The following FGD5 variants were observed in gnomAD, a reference collection of about 807,000 sequenced individuals.
FGD5 encodes the protein FYVE, RhoGEF and PH domain-containing protein 5.
A neutral mutation model predicts 133.4 loss-of-function variants in FGD5; 28 were observed. That is an observed-to-expected ratio of 0.21 (90% CI 0.16 to 0.29). The LOEUF (loss-of-function observed/expected upper bound fraction) is 0.29, where lower values mean the gene tolerates loss of function less well. Ranked by LOEUF, FGD5 falls within the 10% of genes least tolerant of loss-of-function variation. The pLI is 1.00. For missense variants in FGD5, 1,858 were observed against 1,895.2 expected (o/e 0.98, Z 0.36); for synonymous variants, 810 against 776.5 (o/e 1.04, Z -0.72).
intron 10 of FGD5, among the ~76,000 whole-genome samples, chr3:14,910,650 T>G (rs1393929501): frequency 6.6e-6 from 1 of 152,212 alleles, no homozygotes; most frequent in East Asian, 1.9e-4. Context: ...TGCTCTAGCA[T>G]ATACAGCACC....
upstream of FGD5, among the ~76,000 whole-genome samples, chr3:14,815,809 AG>A (rs1360999016): frequency 6.6e-6 from 1 of 152,198 alleles, no homozygotes; most frequent in African/African-American, 2.4e-5. Context: ...GCAGAGGGTC[AG>A]GTGACAACAC....
rs761547148 is a variant in FGD5 at position 14,821,233 on chromosome 3, C to T, written c.2162C>T (p.Ser721Phe). The T allele has an allele frequency of 4.3e-6, 7 of 1,613,930 alleles. No homozygotes were observed. Residue 721 changes from serine to phenylalanine, a missense_variant, in exon 1 of 20, where the codon TCC becomes TTC. Transcript: ENST00000285046. ...CTCCGGGCTTCTGAATCCCCCTCCTCCCTCATCTTTTATAGAGATGGCAAG... is the reference window on the plus strand; with the variant it reads ...CTCCGGGCTTCTGAATCCCCCTCCTTCCTCATCTTTTATAGAGATGGCAAG... ...GKLRASESPS[S>F]LIFYRDGKRK... is the part of the protein sequence containing the mutation.
intron 1 of FGD5, among the ~76,000 whole-genome samples, chr3:14,811,069 C>T (rs1355522053): frequency 6.6e-6 from 1 of 151,980 alleles, no homozygotes; most frequent in East Asian, 1.9e-4. Flanking sequence ...CCGTCCGAAG[C>T]GCCCTGCCTC....
rs1559477416 is a variant in FGD5, at chr3:14,844,220, ATATATAT to A, written c.2526-19907_2526-19901del. Among the ~76,000 whole-genome samples, 119 of 16,324 alleles carry A rather than the reference ATATATAT, an allele frequency of 7.3e-3. 7 individuals carry two copies. The highest frequency in any genetic ancestry group is 0.01 in the Non-Finnish European group (85 of 8,306). The allele number at this position is 16,324 out of a possible 152,430, so 10.7% of individuals were successfully genotyped here. A position where few individuals can be genotyped will look rare whatever the true frequency, so the allele number is the denominator to read the frequency against. On this transcript the variant is annotated intron_variant, in intron 1 of 19. Coordinates refer to ENST00000285046, the MANE Select transcript of FGD5 (RefSeq NM_152536.4). ...AATAGGCATTAAAAAAAAAAAAAAT[ATATATAT>A]ATATATATATATATATATATATATA...
intron 4 of FGD5, among the ~76,000 whole-genome samples, chr3:14,891,599 C>G: frequency 6.6e-6 from 1 of 152,214 alleles, no homozygotes; most frequent in Non-Finnish European, 1.5e-5. Context: ...GGGCAGGAAC[C>G]AGCTCATCCT....
Position 14,932,624 on chromosome 3 carries a change from T to C in FGD5, c.4245T>C (p.Ala1415=), listed in dbSNP as rs1292259141. Reference sequence around the variant, plus strand: ...TGCCTCTGCTAGGCTTCACCATTGCTCCAGAAAAGGAAGAGGGCAGCAGTG... The same window carrying C: ...TGCCTCTGCTAGGCTTCACCATTGCCCCAGAAAAGGAAGAGGGCAGCAGTG... ...ESMPLLGFTI[A]PEKEEGSSEV... The change falls in exon 19 of 20, where the codon GCT becomes GCC. Residue 1415 remains alanine (A), a synonymous_variant. Transcript: ENST00000285046. The C allele has an allele frequency of 2.5e-6, 4 of 1,614,010 alleles. No homozygotes were observed. The South Asian group carries it at 4.4e-5, about 18-fold the overall frequency.
At chr3:14,911,534 C>G (rs896876152) in intron 11 of FGD5, among the ~76,000 whole-genome samples, 1 of 152,072 alleles carries the variant, frequency 6.6e-6, no homozygotes, top group African/African-American at 2.4e-5. Context: ...TTGTTCCTGT[C>G]CGCCATGGCT....
chr3:14,861,954 G>A (rs981154569), intron 1 of FGD5, among the ~76,000 whole-genome samples: 3 of 152,194 alleles, frequency 2.0e-5, no homozygotes, highest in Non-Finnish European at 4.4e-5. Flanking sequence ...CAGCCAGGGT[G>A]AAGTCAGAGA....
At chr3:14,810,877 G>A (rs1287783333) in intron 1 of FGD5, 3 of 985,058 alleles carry the variant, frequency 3.0e-6, no homozygotes, top group African/African-American at 3.5e-5. Context: ...TAGGAGGCCC[G>A]GCGACCTCCG....
At chr3:14,876,121 A>G (rs553856756) in intron 2 of FGD5, among the ~76,000 whole-genome samples, 16 of 152,308 alleles carry the variant, frequency 1.1e-4, no homozygotes, top group African/African-American at 1.4e-4. Context: ...CAGGTAGGAC[A>G]TGGTGGGGAA....
chr3:14,886,950 C>CAT (rs1429292438), intron 4 of FGD5, among the ~76,000 whole-genome samples: 1 of 152,202 alleles, frequency 6.6e-6, no homozygotes, highest in Non-Finnish European at 1.5e-5. Flanking sequence ...TATGGCCCAG[C>CAT]ATACGCCCTA....
Position 14,819,352 on chromosome 3 carries a change from C to T in FGD5, c.281C>T (p.Ser94Phe). ...VGNKALVSPESSAEEEEEREE... is the reference protein window; with the variant it reads ...VGNKALVSPEFSAEEEEEREE... Reference sequence around the variant, plus strand: ...AACAAAGCCCTGGTGTCTCCCGAGTCCTCTGCGGAAGAGGAAGAGGAGCGT... The same window carrying T: ...AACAAAGCCCTGGTGTCTCCCGAGTTCTCTGCGGAAGAGGAAGAGGAGCGT... Residue 94 changes from serine (S) to phenylalanine (F), a missense_variant, in exon 1 of 20, where the codon TCC (serine) becomes TTC (phenylalanine). Ser to Phe is a radical substitution (Grantham distance 155, BLOSUM62 -2). Coordinates refer to ENST00000285046, the MANE Select transcript of FGD5 (RefSeq NM_152536.4). This position sits in a 1 kb window ranked among gnomAD's most constrained non-coding sequence, Gnocchi z 4.1. The T allele has an allele frequency of 6.5e-7, 1 of 1,547,268 alleles. No homozygotes were observed. The highest frequency in any genetic ancestry group is 8.7e-7 in the Non-Finnish European group (1 of 1,145,118).
At chr3:14,830,095 G>A (rs996100234) in intron 1 of FGD5, among the ~76,000 whole-genome samples, 3 of 152,098 alleles carry the variant, frequency 2.0e-5, no homozygotes, top group Non-Finnish European at 4.4e-5. Context: ...CCTAGCTGTG[G>A]TATTCACTGG....
intron 18 of FGD5, 24 bp downstream of exon 18, chr3:14,926,222 C>T: frequency 6.2e-7 from 1 of 1,611,458 alleles, no homozygotes. Flanking sequence ...GCACTCTCTC[C>T]CCTCTCCTCT....
chr3:14,844,275 G>A (rs1375404792), intron 1 of FGD5, among the ~76,000 whole-genome samples: 2 of 81,550 alleles, frequency 2.5e-5, no homozygotes, highest in African/African-American at 8.6e-5. Flanking sequence ...TATATATAAT[G>A]CAGGTTTCCA....
At chr3:14,814,375 A>G (rs1013350554), upstream of FGD5, among the ~76,000 whole-genome samples, 5 of 152,184 alleles carry the variant, frequency 3.3e-5, no homozygotes, top group African/African-American at 7.2e-5. Flanking sequence ...CTGTCCTTCA[A>G]CTTGCACTCA....
chr3:14,876,886 G>T (rs60423286), intron 2 of FGD5, among the ~76,000 whole-genome samples: 1 of 152,208 alleles, frequency 6.6e-6, no homozygotes, highest in Non-Finnish European at 1.5e-5. Flanking sequence ...GTGACCCGCT[G>T]TCTAACACTG....
chr3:14,924,494 G>T (rs2038754353), intron 17 of FGD5, among the ~76,000 whole-genome samples: 1 of 152,110 alleles, frequency 6.6e-6, no homozygotes, highest in Admixed American at 6.5e-5. Context: ...CTCATCCTAG[G>T]GGTCCCAACC....
chr3:14,830,229 A>G (rs999347244), intron 1 of FGD5, among the ~76,000 whole-genome samples: 2 of 152,220 alleles, frequency 1.3e-5, no homozygotes, highest in Non-Finnish European at 2.9e-5. Context: ...AATTATTATA[A>G]TCTCAAAACC....
Sources: gnomAD v4.1 joint callset for allele counts (sites outside exome capture counted in the v4.1 genomes callset) on GRCh38, gnomAD v4.1.1 for gene constraint, Gnocchi (gnomAD v3.1) non-coding constraint, MANE v1.5 for transcripts, NCBI Gene and HGNC (gene_info 2026-07-23, HGNC 2026-07-21) for gene names.